SLC4A11: variants seen among roughly 807,000 people sequenced by gnomAD.
SLC4A11 encodes the protein solute carrier family 4 member 11.
In SLC4A11, 74 loss-of-function variants were observed where a neutral mutation model predicts 95.0. That is an observed-to-expected ratio of 0.78 (90% CI 0.65 to 0.95). The LOEUF is 0.95. SLC4A11 is among the 40% of genes least tolerant of loss of function. The probability of loss-of-function intolerance (pLI) is 0.00; values close to 1 mark genes in which losing one functional copy is unlikely to be tolerated. For missense variants in SLC4A11, 1,081 were observed against 1,192.4 expected (o/e 0.91, Z 1.38); for synonymous variants, 548 against 519.0 (o/e 1.06, Z -0.76).
chr20:3,231,368 G>T lies in SLC4A11; in HGVS notation c.910C>A (p.Arg304Ser), dbSNP rs757935850. 2 of 1,614,056 alleles carry T rather than the reference G, an allele frequency of 1.2e-6. No individual in the cohort carries two copies. Among genetic ancestry groups the T allele is most frequent in the Non-Finnish European group, 1.7e-6 (2 of 1,180,024 alleles). ...TGGGCAGGGAGGGAGACTGTGCTGCGTTCCTTCGTTCTCGGCGCCACTGGA... is the reference window on the plus strand; with the variant it reads ...TGGGCAGGGAGGGAGACTGTGCTGCTTTCCTTCGTTCTCGGCGCCACTGGA... The part of the protein sequence containing the change: ...HGPVAPRTKE[R>S]STVSLPAHRH... The change falls in exon 8 of 20, where the codon CGC becomes AGC. Residue 304 changes from arginine to serine, a missense_variant. Physicochemically the swap from Arg to Ser is moderately radical, Grantham distance 110. Transcript: ENST00000642402. This position sits in a 1 kb window ranked among gnomAD's most constrained non-coding sequence, Gnocchi z 5.2.
At chr20:3,236,833 A>G (rs1217956210) in intron 2 of SLC4A11, among the ~76,000 whole-genome samples, 9 of 151,898 alleles carry the variant, frequency 5.9e-5, no homozygotes, top group African/African-American at 2.2e-4. Context: ...CCTTAGACTT[A>G]GTGCTCAGGT....
chr20:3,239,040 C>A, intron 1 of SLC4A11, 55 bp downstream of exon 1: 1 of 1,460,028 alleles, frequency 6.8e-7, no homozygotes, highest in Non-Finnish European at 9.0e-7. Context: ...CGACGGGAGA[C>A]GGTGGCGGAG....
At chr20:3,237,414 G>A (rs1255174063) in intron 2 of SLC4A11, 130 bp downstream of exon 2, 3 of 964,746 alleles carry the variant, frequency 3.1e-6, no homozygotes, top group Non-Finnish European at 5.0e-6. Context: ...GAAGCCAAAA[G>A]CATTCCAGCA....
intron 1 of SLC4A11, chr20:3,238,537 G>GTCGT (rs386393119): frequency 3.8e-5 from 38 of 994,808 alleles, no homozygotes; most frequent in Non-Finnish European, 4.5e-5. Flanking sequence ...CAGGTAAAGG[G>GTCGT]TCGTACAAAC....
chr20:3,237,918 G>A (rs1181267734), intron 1 of SLC4A11: 1 of 1,550,628 alleles, frequency 6.4e-7, no homozygotes. Context: ...AGGTTTTCCT[G>A]AGAAAACCCT....
intron 13 of SLC4A11, 35 bp downstream of exon 13, chr20:3,230,152 G>A (rs576184687): frequency 8.1e-6 from 13 of 1,610,386 alleles, no homozygotes; most frequent in South Asian, 6.6e-5. Context: ...TCGGCTGAGC[G>A]CCCTGTTCAG....
intron 6 of SLC4A11, 96 bp downstream of exon 6, chr20:3,233,825 G>A (rs2067865493): frequency 1.3e-6 from 2 of 1,523,142 alleles, no homozygotes; most frequent in Non-Finnish European, 1.8e-6. Context: ...AGAGCCCCAG[G>A]ACTCACAGGT....
Position 3,227,854 on chromosome 20 carries a change from T to C in SLC4A11, c.2561A>G (p.Tyr854Cys), listed in dbSNP as rs1237832665. The C allele has an allele frequency of 1.9e-6, 3 of 1,612,818 alleles. No individual in the cohort carries two copies. Among genetic ancestry groups the C allele is most frequent in the Admixed American group, 1.7e-5 (1 of 59,976 alleles). Reference protein sequence around the residue: ...LIMIAMIPIRYILLPRIIEAK... With the variant: ...LIMIAMIPIRCILLPRIIEAK... The stretch of plus-strand genomic sequence containing the variant: ...TTCAATGATTCGGGGCAGCAGGATA[T>C]AGCTGTGGGGAGGGAGGGACAGGAG... The change falls in exon 20 of 20, where the codon TAT (tyrosine) becomes TGT (cysteine). Residue 854 changes from tyrosine (Y) to cysteine (C), a missense_variant and splice_region_variant. Physicochemically the swap from Tyr to Cys is radical, Grantham distance 194 (BLOSUM62 -2). Transcript: ENST00000642402.
Position 3,234,323 on chromosome 20 carries a change from A to G in SLC4A11, c.292-9T>C. 6.2e-7 allele frequency: 1 copy of G among 1,612,222 alleles called. No individual in the cohort carries two copies. The highest frequency in any genetic ancestry group is 2.2e-5 in the East Asian group (1 of 44,834). ...TTCTTTAACTTCAGGTACTGAGGGGACCCCAGGGACAGAACCACACGGGCC... is the reference window on the plus strand; with the variant it reads ...TTCTTTAACTTCAGGTACTGAGGGGGCCCCAGGGACAGAACCACACGGGCC... On this transcript the variant is annotated splice_polypyrimidine_tract_variant and intron_variant, in intron 4 of 19. Transcript: ENST00000642402. This position sits in a 1 kb window ranked among gnomAD's most constrained non-coding sequence, Gnocchi z 5.8.
Position 3,228,558 on chromosome 20 carries a change from T to C in SLC4A11, c.2342A>G (p.Asp781Gly). Residue 781 changes from aspartate to glycine, a missense_variant, in exon 18 of 20, where the codon GAT becomes GGT. Coordinates refer to ENST00000642402, the MANE Select transcript of SLC4A11 (RefSeq NM_001174089.2). ...CACGCGCTGGACGAGCTGGTTGCCA[T>C]CGAGGGAGGTGAGCGCGATGTAGAG... ...LFLYIALTSL[D>G]GNQLVQRVAL... The C allele has an allele frequency of 6.2e-7, 1 of 1,613,132 alleles. No homozygotes were observed. Among genetic ancestry groups the C allele is most frequent in the Non-Finnish European group, 8.5e-7 (1 of 1,179,952 alleles).
chr20:3,232,254 G>A (rs180704684), intron 7 of SLC4A11, among the ~76,000 whole-genome samples: 66 of 152,294 alleles, frequency 4.3e-4, no homozygotes, highest in East Asian at 1.9e-3. Flanking sequence ...TCTCTCTCTC[G>A]CCCGGCCAAG....
Position 3,234,459 on chromosome 20 carries a change from T to C in SLC4A11, c.291+109A>G. On this transcript the variant is annotated intron_variant, in intron 4 of 19. Transcript: ENST00000642402. This position sits in a 1 kb window ranked among gnomAD's most constrained non-coding sequence, Gnocchi z 5.8. ...GGCTGGTGCGAGCTCCCTGTTGAGC[T>C]GCTCCTGGAGGCATGGGAAGAGGGG... The C allele has an allele frequency of 6.5e-7, 1 of 1,542,590 alleles. No individual in the cohort carries two copies. The highest frequency in any genetic ancestry group is 8.9e-7 in the Non-Finnish European group (1 of 1,118,988).
chr20:3,239,402 G>A, upstream of SLC4A11: 2 of 1,092,686 alleles, frequency 1.8e-6, no homozygotes, highest in African/African-American at 3.3e-5. Flanking sequence ...CGCAGCTGCT[G>A]GGCCAAACCG....
chr20:3,237,831 G>T, intron 1 of SLC4A11: 1 of 1,561,768 alleles, frequency 6.4e-7, no homozygotes, highest in Non-Finnish European at 8.7e-7. Flanking sequence ...CTGCCCAGGC[G>T]GGCCAGAGGC....
chr20:3,228,202 C>T (rs558446948), intron 19 of SLC4A11, 57 bp downstream of exon 19: 88 of 1,589,988 alleles, frequency 5.5e-5, no homozygotes, highest in African/African-American at 4.1e-4. Flanking sequence ...TGCCCCAGCC[C>T]GCCCATTCTC....
rs200345104 is a variant in SLC4A11 at position 3,234,276 on chromosome 20, C to A, written c.330G>T (p.Ala110=). 1.9e-6 allele frequency: 3 copies of A among 1,614,002 alleles called. No homozygotes were observed. The highest frequency in any genetic ancestry group is 2.2e-5 in the East Asian group (1 of 44,880). The change falls in exon 5 of 20, where the codon GCG becomes GCT. Residue 110 remains alanine (A), a synonymous_variant. Coordinates refer to ENST00000642402, the MANE Select transcript of SLC4A11 (RefSeq NM_001174089.2). This position sits in a 1 kb window ranked among gnomAD's most constrained non-coding sequence, Gnocchi z 5.8. The stretch of plus-strand genomic sequence containing the variant: ...CCAGGAAGCCATCTAGGTCGCGGTG[C>A]GCACGGATCTCTTCCTTGAAGTTCT... ...KLKNFKEEIR[A]HRDLDGFLAQ... is the part of the protein sequence containing the mutation.
In SLC4A11 at chr20:3,234,787, G is replaced by A. The variant is rs202195929; in HGVS notation, c.196C>T (p.Arg66Cys). The A allele has an allele frequency of 1.7e-5, 28 of 1,613,978 alleles. No homozygotes were observed. The highest frequency in any genetic ancestry group is 2.2e-5 in the East Asian group (1 of 44,886). Residue 66 changes from arginine to cysteine, a missense_variant, in exon 3 of 20, where the codon CGT (arginine) becomes TGT (cysteine). Arg to Cys is a radical substitution (Grantham distance 180). This residue lies in a region of SLC4A11 where 310 missense variants were observed against 313.5 expected (regional missense o/e 0.99). Transcript: ENST00000642402. The surrounding 1 kb of genome is among the most constrained non-coding windows in gnomAD (Gnocchi z 5.8). ...TCAAGGTTGACATTGACAAAAAAAC[G>A]GATACTCTCGCCAGACACGATGGAG... ...NSSIVSGESI[R>C]FFVNVNLEMQ...
Position 3,234,721 on chromosome 20 carries a change from C to T in SLC4A11, c.241+21G>A, listed in dbSNP as rs776965162. Reference sequence around the variant, plus strand: ...CAGTCCCGTGCCTTCCCCCAGTCTGCCCCTGCTGCAGCCCCCATACCAGTG... The same window carrying T: ...CAGTCCCGTGCCTTCCCCCAGTCTGTCCCTGCTGCAGCCCCCATACCAGTG... On this transcript the variant is annotated intron_variant, in intron 3 of 19. Coordinates refer to ENST00000642402, the MANE Select transcript of SLC4A11 (RefSeq NM_001174089.2). This position sits in a 1 kb window ranked among gnomAD's most constrained non-coding sequence, Gnocchi z 5.8. 3 of 1,613,832 alleles carry T rather than the reference C, an allele frequency of 1.9e-6. No individual in the cohort carries two copies. The East Asian group carries it at 6.7e-5, about 36-fold the overall frequency.
chr20:3,232,330 T>C (rs986496231), intron 7 of SLC4A11, among the ~76,000 whole-genome samples: 1 of 152,234 alleles, frequency 6.6e-6, no homozygotes, highest in Non-Finnish European at 1.5e-5. Flanking sequence ...AGCAACCTGC[T>C]CACCTAGGGG....
Sources: gnomAD v4.1 joint callset for allele counts (sites outside exome capture counted in the v4.1 genomes callset) on GRCh38, gnomAD v4.1.1 for gene constraint, gnomAD v4.1.1 regional missense constraint, Gnocchi (gnomAD v3.1) non-coding constraint, MANE v1.5 for transcripts, NCBI Gene and HGNC (gene_info 2026-07-23, HGNC 2026-07-21) for gene names.